TBL1X: variants seen among roughly 807,000 people sequenced by gnomAD.
TBL1X encodes the protein F-box-like/WD repeat-containing protein TBL1X.
TBL1X carries 10 observed loss-of-function variants against 50.7 expected under a neutral mutation model. The observed-to-expected ratio is 0.20, with a 90% confidence interval of 0.12 to 0.33. The LOEUF (loss-of-function observed/expected upper bound fraction) is 0.33, where lower values mean the gene tolerates loss of function less well. TBL1X is among the 10% of genes least tolerant of loss of function. The pLI is 1.00. For missense variants in TBL1X, 340 were observed against 504.4 expected (o/e 0.67, Z 3.12); for synonymous variants, 190 against 214.7 (o/e 0.88, Z 1.01).
chrX:9,679,899 G>C (rs1387535979), intron 5 of TBL1X, among the ~76,000 whole-genome samples: 1 of 112,008 alleles, frequency 8.9e-6, no homozygotes, highest in East Asian at 2.8e-4. Flanking sequence ...TAGTCCTTGG[G>C]CATTGTCTTA....
intron 12 of TBL1X, among the ~76,000 whole-genome samples, chrX:9,702,076 G>A (rs1569104556): frequency 9.0e-6 from 1 of 111,533 alleles, no homozygotes; most frequent in Non-Finnish European, 1.9e-5. Flanking sequence ...AGGAAGAATA[G>A]GGGCAATTGA....
At chrX:9,572,312 G>A (rs1012824170) in intron 2 of TBL1X, among the ~76,000 whole-genome samples, 2 of 112,777 alleles carry the variant, frequency 1.8e-5, no homozygotes, top group Admixed American at 9.3e-5. Context: ...CTCTGGCAGT[G>A]GGGTCTCTTC....
intron 17 of TBL1X, among the ~76,000 whole-genome samples, 181 bp from the exon 18 acceptor site, chrX:9,716,039 C>G (rs1338649762): frequency 8.9e-6 from 1 of 112,281 alleles, no homozygotes; most frequent in Admixed American, 9.4e-5. Flanking sequence ...GTCCGATGTC[C>G]AGATGCCAGT....
intron 2 of TBL1X, among the ~76,000 whole-genome samples, chrX:9,557,503 G>A (rs2082306455): frequency 9.0e-6 from 1 of 110,900 alleles, no homozygotes; most frequent in African/African-American, 3.3e-5. Context: ...ACTGGCGTCT[G>A]ATTGATGGAA....
chrX:9,674,260 G>A (rs185063831), intron 5 of TBL1X, among the ~76,000 whole-genome samples: 37 of 109,967 alleles, frequency 3.4e-4, no homozygotes, highest in African/African-American at 1.2e-3. Context: ...CCCCCCGCCC[G>A]ATATATATTT....
At chrX:9,517,309 C>G (rs563880315) in intron 2 of TBL1X, among the ~76,000 whole-genome samples, 1 of 111,345 alleles carries the variant, frequency 9.0e-6, no homozygotes, top group Non-Finnish European at 1.9e-5. Flanking sequence ...CCTTCCCATA[C>G]ACCTGTGCAT....
intron 2 of TBL1X, among the ~76,000 whole-genome samples, chrX:9,620,360 A>G (rs2082660476): frequency 8.9e-6 from 1 of 112,567 alleles, no homozygotes; most frequent in African/African-American, 3.2e-5. Flanking sequence ...TTCCTGAGTC[A>G]GGCACCCTCC....
chrX:9,564,869 G>T (rs2082341684), intron 2 of TBL1X, among the ~76,000 whole-genome samples: 1 of 110,795 alleles, frequency 9.0e-6, no homozygotes, highest in Admixed American at 9.7e-5. Context: ...TGTAAAAAAT[G>T]TAATAGATTG....
intron 9 of TBL1X, 122 bp downstream of exon 9, chrX:9,692,376 C>A: frequency 1.1e-6 from 1 of 882,724 alleles, no homozygotes; most frequent in Non-Finnish European, 1.5e-6. Context: ...TGCTCAGCCC[C>A]CACTCTGATG....
intron 2 of TBL1X, among the ~76,000 whole-genome samples, chrX:9,578,727 C>T (rs764423029): frequency 2.7e-5 from 3 of 111,555 alleles, no homozygotes; most frequent in Admixed American, 1.9e-4. Flanking sequence ...CTGCAAATTG[C>T]GGCAGCATTT....
chrX:9,523,557 C>T (rs1435206343), intron 2 of TBL1X, among the ~76,000 whole-genome samples: 1 of 112,712 alleles, frequency 8.9e-6, no homozygotes, highest in Non-Finnish European at 1.9e-5. Flanking sequence ...TCTTTCTCCA[C>T]TCTGGTGTCT....
At chrX:9,696,207 C>T (rs1446637298) in intron 11 of TBL1X, among the ~76,000 whole-genome samples, 2 of 112,420 alleles carry the variant, frequency 1.8e-5, no homozygotes, top group African/African-American at 6.5e-5. Flanking sequence ...TTTATATATT[C>T]TCTGCAGTGT....
chrX:9,677,834 A>G (rs906231432), intron 5 of TBL1X, among the ~76,000 whole-genome samples: 3 of 112,233 alleles, frequency 2.7e-5, no homozygotes, highest in Non-Finnish European at 3.8e-5. Context: ...TATTTTCTCT[A>G]CATAGGATTT....
At chrX:9,617,640 A>G (rs2082645711) in intron 2 of TBL1X, among the ~76,000 whole-genome samples, 1 of 111,839 alleles carries the variant, frequency 8.9e-6, no homozygotes. Context: ...GGGATGACAC[A>G]GCAGCTTCAG....
intron 2 of TBL1X, among the ~76,000 whole-genome samples, chrX:9,523,286 C>T (rs1257599113): frequency 8.9e-6 from 1 of 111,739 alleles, no homozygotes. Flanking sequence ...TCCCAGGGCA[C>T]CCGGGAACTC....
At chrX:9,562,358 A>G (rs1432986522) in intron 2 of TBL1X, among the ~76,000 whole-genome samples, 1 of 112,490 alleles carries the variant, frequency 8.9e-6, no homozygotes, top group Non-Finnish European at 1.9e-5. Context: ...TTTAAATAAT[A>G]ATAAGTGCTT....
At position 9,524,854 on chromosome X, in the gene TBL1X, C is replaced by T. The variant is rs374271146; in HGVS notation, c.-131+23005C>T. Among the ~76,000 whole-genome samples the T allele has an allele frequency of 3.7e-4, 42 of 112,147 alleles. No homozygotes were observed. The East Asian group carries it at 9.8e-3, about 26-fold the overall frequency. On this transcript the variant is annotated intron_variant, in intron 2 of 17. Coordinates refer to ENST00000645353, the MANE Select transcript of TBL1X (RefSeq NM_005647.4). The stretch of plus-strand genomic sequence containing the variant: ...GTAGCCTTGATCTCCTGGGCTCAAG[C>T]GATCCTCCTGCCTCAGTCTATCAAG...
At chrX:9,598,198 A>C (rs920386535) in intron 2 of TBL1X, among the ~76,000 whole-genome samples, 2 of 111,217 alleles carry the variant, frequency 1.8e-5, no homozygotes, top group Admixed American at 1.9e-4. Flanking sequence ...TGAATTCTGC[A>C]CTCCAGAACC....
intron 2 of TBL1X, chrX:9,637,780 T>G (rs2082755636): frequency 9.0e-6 from 1 of 111,168 alleles, no homozygotes; most frequent in South Asian, 3.9e-4. Flanking sequence ...TCCTGTTGTG[T>G]TACTATCCTG....
Sources: allele counts gnomAD v4.1 joint callset (sites outside exome capture counted in the v4.1 genomes callset), GRCh38; gene constraint gnomAD v4.1.1; transcripts MANE v1.5; gene names NCBI Gene and HGNC (gene_info 2026-07-23, HGNC 2026-07-21).